The following MTFR1 variants were observed in gnomAD, a reference collection of about 807,000 sequenced individuals.
MTFR1 encodes mitochondrial fission regulator 1.
A neutral mutation model predicts 38.8 loss-of-function variants in MTFR1; 28 were observed. That is an observed-to-expected ratio of 0.72 (90% CI 0.53 to 0.99). The LOEUF (loss-of-function observed/expected upper bound fraction) is 0.99, where lower values mean the gene tolerates loss of function less well. Ranked by LOEUF, MTFR1 falls within the 50% of genes least tolerant of loss-of-function variation. The pLI is 0.00. For synonymous variants in MTFR1, 145 were observed against 137.0 expected (o/e 1.06, Z -0.41); for missense variants, 358 against 395.5 (o/e 0.91, Z 0.81).
intron 3 of MTFR1, chr8:65,724,443 A>C (rs904186504): frequency 1.4e-6 from 1 of 714,364 alleles, no homozygotes; most frequent in Non-Finnish European, 2.3e-6. Flanking sequence ...TTAACCATAA[A>C]TATAAATAAA....
At chr8:65,768,516 G>A (rs920053458) in intron 3 of MTFR1, among the ~76,000 whole-genome samples, 1 of 152,172 alleles carries the variant, frequency 6.6e-6, no homozygotes, top group African/African-American at 2.4e-5. Flanking sequence ...GGCCGTAATT[G>A]TGAGGCCTCC....
intron 3 of MTFR1, among the ~76,000 whole-genome samples, chr8:65,730,476 AG>A (rs938628053): frequency 1.3e-5 from 2 of 151,922 alleles, no homozygotes; most frequent in Non-Finnish European, 2.9e-5. Flanking sequence ...CACCAAGCCC[AG>A]CCAGCACACT....
chr8:65,772,715 T>C (rs1374159590), downstream of MTFR1, among the ~76,000 whole-genome samples: 1 of 152,026 alleles, frequency 6.6e-6, no homozygotes, highest in East Asian at 1.9e-4. Context: ...AAGCCTAGGG[T>C]TAAACTGGCC....
At chr8:65,750,934 A>T (rs1033812456) in intron 3 of MTFR1, among the ~76,000 whole-genome samples, 1 of 152,236 alleles carries the variant, frequency 6.6e-6, no homozygotes, top group Non-Finnish European at 1.5e-5. Context: ...ATCACTCATC[A>T]TGGAAGCCCA....
At chr8:65,650,215 T>TC (rs1809082735) in intron 1 of MTFR1, among the ~76,000 whole-genome samples, 1 of 147,890 alleles carries the variant, frequency 6.8e-6, no homozygotes, top group South Asian at 2.2e-4. Flanking sequence ...ATACTCTTTT[T>TC]TTTTTTTTTT....
chr8:65,754,649 A>G (rs1388725973), intron 3 of MTFR1, among the ~76,000 whole-genome samples: 1 of 149,140 alleles, frequency 6.7e-6, no homozygotes, highest in Non-Finnish European at 1.5e-5. Context: ...TTTGTCTTCT[A>G]TATGCCTTGT....
intron 3 of MTFR1, among the ~76,000 whole-genome samples, chr8:65,768,994 T>A (rs1284973853): frequency 1.3e-5 from 2 of 152,122 alleles, no homozygotes; most frequent in East Asian, 3.8e-4. Flanking sequence ...ACACCTGTAA[T>A]CCCAGCACTT....
chr8:65,738,134 A>G (rs1010568485), intron 3 of MTFR1, among the ~76,000 whole-genome samples: 3 of 149,844 alleles, frequency 2.0e-5, no homozygotes, highest in Non-Finnish European at 4.4e-5. Flanking sequence ...TATTAAGTGT[A>G]CAATAGCATT....
chr8:65,707,727 C>G (rs2129059740), intron 6 of MTFR1, 116 bp from the exon 7 acceptor site: 1 of 1,293,470 alleles, frequency 7.7e-7, no homozygotes, highest in Non-Finnish European at 1.1e-6. Flanking sequence ...TATCAGGTCT[C>G]TATGGAGTAG....
At chr8:65,741,087 G>A (rs1350538535) in intron 3 of MTFR1, among the ~76,000 whole-genome samples, 1 of 152,108 alleles carries the variant, frequency 6.6e-6, no homozygotes, top group Non-Finnish European at 1.5e-5. Flanking sequence ...CTTCCATGGT[G>A]TAACTCTCCA....
intron 1 of MTFR1, among the ~76,000 whole-genome samples, chr8:65,652,548 T>G (rs930229532): frequency 6.6e-6 from 1 of 152,216 alleles, no homozygotes. Context: ...AAATTGCTTT[T>G]GAGTTTTCAT....
At chr8:65,767,286 T>C (rs1808838315) in intron 3 of MTFR1, among the ~76,000 whole-genome samples, 1 of 152,202 alleles carries the variant, frequency 6.6e-6, no homozygotes. Context: ...GTTTATGGAT[T>C]AGTTGTCATG....
At chr8:65,723,416 T>C in intron 3 of MTFR1, 1 of 956,332 alleles carries the variant, frequency 1.0e-6, no homozygotes, top group Non-Finnish European at 1.4e-6. Context: ...GGGTAAAATT[T>C]CTTAAATTAT....
At chr8:65,711,352 A>ATAAC (rs1001821109), downstream of MTFR1, among the ~76,000 whole-genome samples, 7 of 152,024 alleles carry the variant, frequency 4.6e-5, no homozygotes, top group African/African-American at 1.7e-4. Flanking sequence ...ACACGTGGTA[A>ATAAC]TAACTAGCAG....
intron 3 of MTFR1, among the ~76,000 whole-genome samples, chr8:65,733,350 C>CCT (rs1479661987): frequency 2.0e-5 from 3 of 152,264 alleles, no homozygotes; most frequent in East Asian, 3.9e-4. Context: ...CTGCAGAGAA[C>CCT]TTATTACCAT....
At chr8:65,768,806 T>C (rs996901733) in intron 3 of MTFR1, among the ~76,000 whole-genome samples, 1 of 152,160 alleles carries the variant, frequency 6.6e-6, no homozygotes, top group African/African-American at 2.4e-5. Flanking sequence ...ATATGTATGA[T>C]AAATATTACC....
Position 65,752,290 on chromosome 8 carries a change from TA to T in MTFR1, c.*49-18655del, listed in dbSNP as rs148061803. The stretch of plus-strand genomic sequence containing the variant: ...CTCAATAACGCAAGACCTTTTATCT[TA>T]ATTTCCCCAGTTATCTATTTGCTTG... On this transcript the variant is annotated intron_variant, in intron 3 of 3. Transcript: ENST00000521247. Among the ~76,000 whole-genome samples the T allele has an allele frequency of 4.1e-3, 628 of 152,334 alleles. 2 individuals are homozygous for T. The highest frequency in any genetic ancestry group is 7.4e-3 in the Non-Finnish European group (504 of 68,024).
At chr8:65,741,553 C>T (rs956503964) in intron 3 of MTFR1, among the ~76,000 whole-genome samples, 6 of 152,164 alleles carry the variant, frequency 3.9e-5, no homozygotes, top group African/African-American at 1.4e-4. Context: ...AACTACCTGA[C>T]GTATCACCTT....
downstream of MTFR1, among the ~76,000 whole-genome samples, chr8:65,773,526 T>C (rs776694936): frequency 9.2e-5 from 14 of 152,244 alleles, no homozygotes; most frequent in Non-Finnish European, 1.6e-4. Flanking sequence ...TAAGTATAGA[T>C]ACCAAAACCT....
Sources: allele counts gnomAD v4.1 joint callset (sites outside exome capture counted in the v4.1 genomes callset), GRCh38; gene constraint gnomAD v4.1.1; transcripts MANE v1.5; gene names NCBI Gene and HGNC (gene_info 2026-07-23, HGNC 2026-07-21).